The following AKAP19 variants were observed in gnomAD, a reference collection of about 807,000 sequenced individuals.
AKAP19 encodes small A-kinase anchoring protein.
chr2:190,183,401 G>GA, the AKAP19 span, among the ~76,000 whole-genome samples: 1 of 152,140 alleles, frequency 6.6e-6, no homozygotes, highest in Admixed American at 6.5e-5. Context: ...ATGTCTTGCT[G>GA]AAAAGTAAAG....
At chr2:190,079,798 A>G in the AKAP19 span, among the ~76,000 whole-genome samples, 1 of 151,446 alleles carries the variant, frequency 6.6e-6, no homozygotes, top group Non-Finnish European at 1.5e-5. Context: ...GAGACAGAGC[A>G]AGACTCCATC....
the AKAP19 span, among the ~76,000 whole-genome samples, chr2:189,896,949 A>G: frequency 1.3e-5 from 2 of 152,106 alleles, no homozygotes; most frequent in Non-Finnish European, 2.9e-5. Context: ...TTTCAAAATC[A>G]GTAATGCAAT....
chr2:190,199,823 C>A, the AKAP19 span: 7 of 1,600,604 alleles, frequency 4.4e-6, no homozygotes, highest in Non-Finnish European at 6.0e-6. Flanking sequence ...TGGAAGTAGT[C>A]TTTGCCACTG....
At chr2:190,060,168 T>C in the AKAP19 span, 2 of 1,613,048 alleles carry the variant, frequency 1.2e-6, no homozygotes, top group Non-Finnish European at 1.7e-6. Context: ...TTTGAGCCAA[T>C]TTTGCAACAC....
At chr2:189,880,923 A>G in the AKAP19 span, among the ~76,000 whole-genome samples, 1 of 152,190 alleles carries the variant, frequency 6.6e-6, no homozygotes, top group Non-Finnish European at 1.5e-5. Flanking sequence ...GCCAATGTTC[A>G]TGGATTTATA....
the AKAP19 span, among the ~76,000 whole-genome samples, chr2:190,192,162 G>T: frequency 9.9e-5 from 15 of 152,088 alleles, 1 homozygote; most frequent in East Asian, 1.4e-3. Context: ...TTGGTGGGGG[G>T]AGAGTATGTG....
chr2:189,978,209 C>G, the AKAP19 span, among the ~76,000 whole-genome samples: 1 of 152,114 alleles, frequency 6.6e-6, no homozygotes, highest in Non-Finnish European at 1.5e-5. Flanking sequence ...GAACATAATA[C>G]CCATTAGGTA....
chr2:189,992,323 TG>T, the AKAP19 span, among the ~76,000 whole-genome samples: 1 of 152,218 alleles, frequency 6.6e-6, no homozygotes, highest in Non-Finnish European at 1.5e-5. Context: ...CCCAAAGTGC[TG>T]GGATTACAGG....
the AKAP19 span, among the ~76,000 whole-genome samples, chr2:189,951,684 C>T: frequency 6.6e-6 from 1 of 152,154 alleles, no homozygotes; most frequent in Non-Finnish European, 1.5e-5. Context: ...CTTCCAATAC[C>T]TAAAAGTCTA....
chr2:190,176,539 G>A, the AKAP19 span, among the ~76,000 whole-genome samples: 5 of 152,194 alleles, frequency 3.3e-5, no homozygotes, highest in East Asian at 1.9e-4. The surrounding 1 kb of genome is among the most constrained non-coding windows in gnomAD (Gnocchi z 4.7). Flanking sequence ...TAGTAGAGAC[G>A]GAGTTTCAGT....
the AKAP19 span, among the ~76,000 whole-genome samples, chr2:190,198,520 T>C: frequency 6.7e-6 from 1 of 150,286 alleles, no homozygotes; most frequent in Non-Finnish European, 1.5e-5. Context: ...GCAGGCCAGC[T>C]ACTCAGTGGG....
chr2:190,017,859 T>C, the AKAP19 span, among the ~76,000 whole-genome samples: 279 of 152,320 alleles, frequency 1.8e-3, no homozygotes, highest in Middle Eastern at 0.01. Context: ...ATGTACTCCA[T>C]TACCTTTTGT....
At chr2:190,050,940 A>C in the AKAP19 span, among the ~76,000 whole-genome samples, 1 of 152,166 alleles carries the variant, frequency 6.6e-6, no homozygotes, top group Non-Finnish European at 1.5e-5. Context: ...TTTCTGTGTG[A>C]GGTCCGTGGA....
chr2:189,884,523 C>T, the AKAP19 span, among the ~76,000 whole-genome samples: 5 of 152,084 alleles, frequency 3.3e-5, no homozygotes, highest in African/African-American at 1.2e-4. Flanking sequence ...TTCTTGATCC[C>T]AGATGAAAAC....
the AKAP19 span, among the ~76,000 whole-genome samples, chr2:189,965,652 G>C: frequency 6.6e-6 from 1 of 150,822 alleles, no homozygotes; most frequent in African/African-American, 2.4e-5. Context: ...AAAAAAAATA[G>C]ATGTTGGTGT....
the AKAP19 span, among the ~76,000 whole-genome samples, chr2:189,928,568 A>G: frequency 6.6e-6 from 1 of 152,184 alleles, no homozygotes; most frequent in Non-Finnish European, 1.5e-5. Context: ...TTTAAGCAAG[A>G]TACATGTAAC....
chr2:190,171,802 C>G, the AKAP19 span, among the ~76,000 whole-genome samples: 2,167 of 152,154 alleles, frequency 0.014, 50 homozygotes, highest in African/African-American at 0.048. Context: ...CTGGGGAAAA[C>G]AAAACATTTT....
chr2:190,040,638 G>A, the AKAP19 span, among the ~76,000 whole-genome samples: 2 of 151,926 alleles, frequency 1.3e-5, no homozygotes, highest in African/African-American at 4.8e-5. Context: ...TGTCTTCCAG[G>A]GTTTTTATAG....
At chr2:190,097,859 C>CA in the AKAP19 span, among the ~76,000 whole-genome samples, 24,939 of 65,004 alleles carry the variant, frequency 0.38, 4,392 homozygotes, top group South Asian at 0.64. Context: ...TGGTTTCTAC[C>CA]AAAAAAAAAA....
Sources: gnomAD v4.1 joint callset for allele counts (sites outside exome capture counted in the v4.1 genomes callset) on GRCh38, gnomAD v4.1.1 for gene constraint, Gnocchi (gnomAD v3.1) non-coding constraint, MANE v1.5 for transcripts, NCBI Gene and HGNC (gene_info 2026-07-23, HGNC 2026-07-21) for gene names.